Variants in CUX1 observed in about 807,000 individuals in gnomAD.
CUX1 encodes the protein protein CASP.
Under a neutral mutation model 158.8 loss-of-function variants are expected in CUX1, and 31 were observed. The ratio of observed to expected loss-of-function variants is 0.20; its 90% CI spans 0.15 to 0.26. The LOEUF is 0.26. Ranked by LOEUF, CUX1 falls within the 10% of genes least tolerant of loss-of-function variation. The pLI, the probability that CUX1 is intolerant of heterozygous loss-of-function variation, is 1.00. For synonymous variants in CUX1, 879 were observed against 862.1 expected (o/e 1.02, Z -0.34); for missense variants, 1,589 against 2,014.6 (o/e 0.79, Z 4.04).
At chr7:102,156,191 A>G (rs1789732763) in intron 8 of CUX1, among the ~76,000 whole-genome samples, 1 of 152,098 alleles carries the variant, frequency 6.6e-6, no homozygotes, top group Non-Finnish European at 1.5e-5. Context: ...CAGTTTTTCC[A>G]ACTCTCAGCG....
At chr7:102,034,814 C>T (rs1821230267) in intron 3 of CUX1, among the ~76,000 whole-genome samples, 1 of 149,184 alleles carries the variant, frequency 6.7e-6, no homozygotes. Context: ...CAGGCCTGTA[C>T]ACCTAGCTAT....
intron 8 of CUX1, among the ~76,000 whole-genome samples, chr7:102,151,092 C>T (rs1835601274): frequency 6.6e-6 from 1 of 152,162 alleles, no homozygotes; most frequent in South Asian, 2.1e-4. Context: ...ACACTCACAC[C>T]ATGAAACCAC....
At chr7:101,956,336 C>T (rs1341546124) in intron 2 of CUX1, among the ~76,000 whole-genome samples, 1 of 152,050 alleles carries the variant, frequency 6.6e-6, no homozygotes, top group Non-Finnish European at 1.5e-5. Context: ...CCGAGATCGG[C>T]CTTTTGCAGA....
chr7:102,192,841 C>T (rs1794425954), intron 12 of CUX1, among the ~76,000 whole-genome samples: 2 of 152,280 alleles, frequency 1.3e-5, no homozygotes, highest in Admixed American at 1.3e-4. Flanking sequence ...AGCCACATAG[C>T]CTCACTTCCC....
At chr7:102,216,942 A>G (rs1417446424) in intron 20 of CUX1, among the ~76,000 whole-genome samples, 4 of 152,152 alleles carry the variant, frequency 2.6e-5, no homozygotes, top group Non-Finnish European at 5.9e-5. Context: ...CAGCAAAGCA[A>G]TTTAACTAGA....
At chr7:101,855,594 T>C (rs1252752270) in intron 1 of CUX1, among the ~76,000 whole-genome samples, 1 of 152,176 alleles carries the variant, frequency 6.6e-6, no homozygotes, top group Non-Finnish European at 1.5e-5. Context: ...AAAAAGCAGC[T>C]TAAGGCCGGG....
At chr7:102,110,931 G>C (rs1305213060) in intron 6 of CUX1, among the ~76,000 whole-genome samples, 3 of 152,132 alleles carry the variant, frequency 2.0e-5, no homozygotes, top group Non-Finnish European at 4.4e-5. Flanking sequence ...ATCCCTGAGT[G>C]TCCATAATTG....
intron 2 of CUX1, among the ~76,000 whole-genome samples, chr7:102,006,428 G>A (rs1008469966): frequency 2.0e-5 from 3 of 151,694 alleles, no homozygotes; most frequent in African/African-American, 4.8e-5. Flanking sequence ...ACAGAGTCTC[G>A]CGCTATCACC....
chr7:102,193,924 T>G (rs782513619), intron 13 of CUX1, 34 bp downstream of exon 13: 1 of 1,608,440 alleles, frequency 6.2e-7, no homozygotes. Context: ...AGCACTAGCA[T>G]CAGCCCCGCT....
At chr7:101,836,150 T>A (rs1360070151) in intron 1 of CUX1, among the ~76,000 whole-genome samples, 3 of 152,222 alleles carry the variant, frequency 2.0e-5, no homozygotes, top group African/African-American at 7.2e-5. Flanking sequence ...CGTCGCTACC[T>A]CCCTGCATTG....
intron 3 of CUX1, among the ~76,000 whole-genome samples, chr7:102,029,208 GTCTCGA>G (rs1345615925): frequency 6.6e-6 from 1 of 152,022 alleles, no homozygotes; most frequent in Non-Finnish European, 1.5e-5. Flanking sequence ...GGCCAGGCTG[GTCTCGA>G]TCTCCTGACC....
At chr7:102,172,614 A>G (rs1333362842) in intron 10 of CUX1, among the ~76,000 whole-genome samples, 2 of 152,232 alleles carry the variant, frequency 1.3e-5, no homozygotes, top group Non-Finnish European at 2.9e-5. Context: ...CCCAAAGCAC[A>G]GTCAATCTAA....
chr7:101,924,142 A>T (rs1006062607), intron 2 of CUX1, among the ~76,000 whole-genome samples: 8 of 151,920 alleles, frequency 5.3e-5, no homozygotes, highest in African/African-American at 1.9e-4. Context: ...CACGCACCTG[A>T]TGCTATCTCT....
At chr7:101,865,898 T>C (rs916152389) in intron 1 of CUX1, among the ~76,000 whole-genome samples, 3 of 152,198 alleles carry the variant, frequency 2.0e-5, no homozygotes, top group Non-Finnish European at 4.4e-5. Flanking sequence ...TTGAGAGACC[T>C]TGGCAACGCA....
rs1247178147 is a variant in CUX1, at chr7:102,254,646, C to T, written c.*5604C>T. ...ATCCTGTGCTTGGGCATTGACCAGC[C>T]AAAGCTCACATTTAGAAAGCCCTCA... is the stretch of plus-strand genomic sequence containing the variant. On this transcript the variant is annotated 3_prime_UTR_variant, in exon 24 of 24. Coordinates refer to ENST00000292535, the MANE Select transcript of CUX1 (RefSeq NM_181552.4). 6.1e-6 allele frequency: 6 copies of T among 985,274 alleles called. No individual in the cohort carries two copies. The highest frequency in any genetic ancestry group is 6.0e-6 in the Non-Finnish European group (5 of 829,940). 61.0% of individuals were successfully genotyped at this position (985,274 alleles called of 1,614,324 possible). A position where few individuals can be genotyped will look rare whatever the true frequency, so the allele number is the denominator to read the frequency against.
intron 8 of CUX1, among the ~76,000 whole-genome samples, chr7:102,146,561 C>T (rs958454544): frequency 2.0e-5 from 3 of 152,122 alleles, no homozygotes; most frequent in African/African-American, 7.2e-5. Context: ...TGAGGCTTAA[C>T]CAAACTCGTT....
intron 14 of CUX1, among the ~76,000 whole-genome samples, chr7:102,270,921 C>T (rs1554546116): frequency 2.6e-5 from 4 of 152,204 alleles, no homozygotes; most frequent in African/African-American, 4.8e-5. Context: ...AACAAGTGCA[C>T]GGGGACCAGG....
intron 3 of CUX1, among the ~76,000 whole-genome samples, chr7:102,066,378 T>C (rs1262734813): frequency 1.3e-5 from 2 of 152,148 alleles, no homozygotes; most frequent in African/African-American, 4.8e-5. Context: ...CCAAATAAGG[T>C]CACCTTCACA....
At position 102,074,015 on chromosome 7, in the gene CUX1, G is replaced by A. The variant is rs149186371; in HGVS notation, c.268+3598G>A. 6.0e-3 allele frequency among the ~76,000 whole-genome samples: 914 copies of A among 152,330 alleles called. 9 individuals carry two copies. The highest frequency in any genetic ancestry group is 0.021 in the African/African-American group (879 of 41,582). On this transcript the variant is annotated intron_variant, in intron 4 of 23. Transcript: ENST00000292535. ...CATCTAACAAGTTACTTGCAAAGCAGGAATGGTGCTCGGAGCACTCTCCCT... is the reference window on the plus strand; with the variant it reads ...CATCTAACAAGTTACTTGCAAAGCAAGAATGGTGCTCGGAGCACTCTCCCT...
Sources: allele counts gnomAD v4.1 joint callset (sites outside exome capture counted in the v4.1 genomes callset), GRCh38; gene constraint gnomAD v4.1.1; transcripts MANE v1.5; gene names NCBI Gene and HGNC (gene_info 2026-07-23, HGNC 2026-07-21).